The following CPNE4 variants were observed in gnomAD, a reference collection of about 807,000 sequenced individuals.
CPNE4 encodes the protein copine 4.
CPNE4 carries 25 observed loss-of-function variants against 67.9 expected under a neutral mutation model. The ratio of observed to expected loss-of-function variants is 0.37; its 90% CI spans 0.27 to 0.51. The LOEUF is 0.51. CPNE4 is among the 20% of genes least tolerant of loss of function. The pLI is 0.93. For synonymous variants in CPNE4, 242 were observed against 244.9 expected (o/e 0.99, Z 0.11); for missense variants, 464 against 690.8 (o/e 0.67, Z 3.68).
intron 7 of CPNE4, among the ~76,000 whole-genome samples, chr3:131,614,583 T>C (rs1191701217): frequency 2.0e-5 from 3 of 152,194 alleles, no homozygotes; most frequent in East Asian, 1.9e-4. Context: ...GGAGTCGTTT[T>C]TGAAGTAGGT....
intron 1 of CPNE4, among the ~76,000 whole-genome samples, chr3:131,984,303 G>C (rs1356381348): frequency 3.3e-5 from 5 of 152,120 alleles, no homozygotes; most frequent in African/African-American, 1.2e-4. Context: ...GAATTTAATG[G>C]TTACAACAGT....
chr3:131,879,268 G>A (rs1051926695), intron 2 of CPNE4, among the ~76,000 whole-genome samples: 13 of 152,284 alleles, frequency 8.5e-5, no homozygotes, highest in Admixed American at 2.6e-4. Flanking sequence ...GGAGATATAT[G>A]AATAAGGATA....
chr3:131,888,030 A>G (rs2087963959), intron 2 of CPNE4, among the ~76,000 whole-genome samples: 1 of 152,184 alleles, frequency 6.6e-6, no homozygotes, highest in South Asian at 2.1e-4. Context: ...TCTGGCCAAT[A>G]AATTATCCCC....
At chr3:131,988,817 T>G (rs534534433) in intron 1 of CPNE4, among the ~76,000 whole-genome samples, 1 of 152,220 alleles carries the variant, frequency 6.6e-6, no homozygotes, top group African/African-American at 2.4e-5. Flanking sequence ...ATGATACCTC[T>G]TTTTCCATGG....
chr3:131,941,937 G>A (rs1230469649), intron 1 of CPNE4, among the ~76,000 whole-genome samples: 1 of 151,886 alleles, frequency 6.6e-6, no homozygotes, highest in South Asian at 2.1e-4. Context: ...CATGTTACTA[G>A]AATGTTTATT....
intron 2 of CPNE4, among the ~76,000 whole-genome samples, chr3:131,837,693 T>C (rs12639530): frequency 0.25 from 38,229 of 151,698 alleles, 5,008 homozygotes; most frequent in East Asian, 0.36. Context: ...CCACCAAAAA[T>C]GAAAAGAAGA....
intron 7 of CPNE4, among the ~76,000 whole-genome samples, chr3:131,665,660 AAAACAAAC>A (rs145982956): frequency 1.3e-5 from 2 of 148,606 alleles, no homozygotes; most frequent in African/African-American, 2.5e-5. Flanking sequence ...GTCCATCTCA[AAAACAAAC>A]AAACAAACAA....
At chr3:131,870,476 G>T (rs1340765299) in intron 2 of CPNE4, among the ~76,000 whole-genome samples, 2 of 152,166 alleles carry the variant, frequency 1.3e-5, no homozygotes, top group East Asian at 3.8e-4. Context: ...CAATTTTGAG[G>T]TGAGAGGACA....
chr3:132,006,576 C>A (rs2073612223), intron 1 of CPNE4, among the ~76,000 whole-genome samples: 1 of 152,092 alleles, frequency 6.6e-6, no homozygotes, highest in African/African-American at 2.4e-5. Flanking sequence ...AACTCGAAAT[C>A]TTCTGTTGCC....
chr3:131,600,867 C>T (rs1939164661), intron 7 of CPNE4, among the ~76,000 whole-genome samples: 1 of 152,174 alleles, frequency 6.6e-6, no homozygotes, highest in Non-Finnish European at 1.5e-5. Context: ...ATCTTGCTCT[C>T]TATCTGATTC....
chr3:131,622,613 T>C (rs1044795211), intron 7 of CPNE4, among the ~76,000 whole-genome samples: 10 of 152,166 alleles, frequency 6.6e-5, no homozygotes, highest in African/African-American at 2.2e-4. Flanking sequence ...GTTTAATATA[T>C]GGGTGCCTAA....
intron 2 of CPNE4, among the ~76,000 whole-genome samples, chr3:131,763,376 T>G (rs559043610): frequency 6.6e-6 from 1 of 152,266 alleles, no homozygotes; most frequent in East Asian, 1.9e-4. Context: ...TATAATAACT[T>G]AGGTTATTCT....
At chr3:131,742,404 G>T (rs1211969628) in intron 2 of CPNE4, among the ~76,000 whole-genome samples, 1 of 152,066 alleles carries the variant, frequency 6.6e-6, no homozygotes, top group Non-Finnish European at 1.5e-5. Context: ...CAGCTGTCCT[G>T]GGTCTCCAAC....
In CPNE4 at chr3:131,647,123, A is replaced by G. The variant is rs80191394; in HGVS notation, c.681+22552T>C. ...TGTCAAGATACTGCTTTGGCCAGGC[A>G]GAAGGTTCTATATTGCAAATCAGAG... On this transcript the variant is annotated intron_variant, in intron 7 of 15. Coordinates refer to ENST00000429747, the MANE Select transcript of CPNE4 (RefSeq NM_130808.3). Among the ~76,000 whole-genome samples the G allele has an allele frequency of 2.9e-3, 442 of 152,344 alleles. 1 individual carries two copies. The highest frequency in any genetic ancestry group is 0.01 in the African/African-American group (427 of 41,580).
intron 7 of CPNE4, among the ~76,000 whole-genome samples, chr3:131,659,949 C>G (rs1468921169): frequency 6.6e-6 from 1 of 152,070 alleles, no homozygotes; most frequent in Non-Finnish European, 1.5e-5. Context: ...AGGAAGAAGG[C>G]TTTTTCTAAA....
At chr3:131,663,860 T>A (rs868068805) in intron 7 of CPNE4, among the ~76,000 whole-genome samples, 5 of 152,316 alleles carry the variant, frequency 3.3e-5, no homozygotes, top group Middle Eastern at 6.8e-3. Context: ...CCCTTCTACT[T>A]TGACTTTGGG....
At chr3:132,025,613 AG>A (rs1265619113) in intron 1 of CPNE4, among the ~76,000 whole-genome samples, 1 of 152,228 alleles carries the variant, frequency 6.6e-6, no homozygotes, top group Admixed American at 6.5e-5. Flanking sequence ...CATTACCATT[AG>A]GGTAATTAAC....
At chr3:131,595,057 A>C (rs1429254815) in intron 7 of CPNE4, among the ~76,000 whole-genome samples, 1 of 152,214 alleles carries the variant, frequency 6.6e-6, no homozygotes, top group Non-Finnish European at 1.5e-5. Flanking sequence ...TACACACACA[A>C]AAGATAACAA....
intron 2 of CPNE4, among the ~76,000 whole-genome samples, chr3:131,831,625 C>T (rs902707238): frequency 6.6e-5 from 10 of 152,112 alleles, no homozygotes; most frequent in Non-Finnish European, 1.0e-4. Flanking sequence ...GATACAGAAA[C>T]ATACGCTGTA....
Sources: gnomAD v4.1 joint callset for allele counts (sites outside exome capture counted in the v4.1 genomes callset) on GRCh38, gnomAD v4.1.1 for gene constraint, MANE v1.5 for transcripts, NCBI Gene and HGNC (gene_info 2026-07-23, HGNC 2026-07-21) for gene names.